The following GSG1L variants were observed in gnomAD, a reference collection of about 807,000 sequenced individuals.
The protein encoded by GSG1L is GSG1 like, also known as germ cell-specific gene 1-like protein.
In GSG1L, 24 loss-of-function variants were observed where a neutral mutation model predicts 42.1. The observed-to-expected ratio is 0.57, with a 90% CI of 0.41 to 0.80. GSG1L has a LOEUF of 0.80. GSG1L is among the 30% of genes least tolerant of loss of function. The pLI is 0.00. For missense variants in GSG1L, 445 were observed against 472.2 expected, an observed-to-expected ratio of 0.94 and a Z score of 0.53; for synonymous variants, 215 against 203.5, an observed-to-expected ratio of 1.06 and a Z score of -0.48.
At chr16:27,916,585 A>G (rs1486397575) in intron 2 of GSG1L, among the ~76,000 whole-genome samples, 1 of 151,312 alleles carries the variant, frequency 6.6e-6, no homozygotes, top group Non-Finnish European at 1.5e-5. Flanking sequence ...AGCCTCCCAA[A>G]GTGCTGGGAC....
chr16:27,900,505 G>C (rs964227377), intron 2 of GSG1L, among the ~76,000 whole-genome samples: 3 of 152,170 alleles, frequency 2.0e-5, no homozygotes, highest in Admixed American at 2.0e-4. Flanking sequence ...TGCCTGCTTG[G>C]GGGGCCTGGC....
chr16:27,808,277 G>A (rs574382697), intron 5 of GSG1L, among the ~76,000 whole-genome samples: 8 of 152,292 alleles, frequency 5.3e-5, no homozygotes, highest in African/African-American at 1.9e-4. Flanking sequence ...TATAGAGATA[G>A]GGTCTTGTCG....
chr16:27,896,809 C>A (rs1186699187), intron 2 of GSG1L, among the ~76,000 whole-genome samples: 1 of 152,200 alleles, frequency 6.6e-6, no homozygotes, highest in Non-Finnish European at 1.5e-5. Flanking sequence ...GAGACAAGTT[C>A]TCCCCTTGAA....
intron 1 of GSG1L, among the ~76,000 whole-genome samples, chr16:28,008,057 C>A (rs570065308): frequency 6.6e-6 from 1 of 152,030 alleles, no homozygotes; most frequent in African/African-American, 2.4e-5. Flanking sequence ...TAGGTAAGTT[C>A]CCCCAAATAA....
chr16:27,873,975 C>A (rs1012034302), intron 3 of GSG1L, among the ~76,000 whole-genome samples: 1 of 152,192 alleles, frequency 6.6e-6, no homozygotes, highest in Non-Finnish European at 1.5e-5. Context: ...ACTTCCCAGG[C>A]CTCTCCCTTA....
chr16:27,966,328 A>AC (rs2085133180), intron 1 of GSG1L, among the ~76,000 whole-genome samples: 3 of 152,068 alleles, frequency 2.0e-5, no homozygotes, highest in African/African-American at 7.2e-5. Context: ...AGAAAGCGAG[A>AC]CCCCATTTCT....
chr16:27,995,883 A>AACACACACACAC (rs3033625), intron 1 of GSG1L, among the ~76,000 whole-genome samples: 1 of 145,226 alleles, frequency 6.9e-6, no homozygotes, highest in African/African-American at 2.6e-5. Flanking sequence ...TACTGATTAA[A>AACACACACACAC]ACACACACAC....
At chr16:27,929,888 C>T (rs1156984064) in intron 2 of GSG1L, among the ~76,000 whole-genome samples, 4 of 152,072 alleles carry the variant, frequency 2.6e-5, no homozygotes, top group Admixed American at 2.0e-4. Context: ...TCCTTCCTTA[C>T]CATTACCTTC....
intron 2 of GSG1L, among the ~76,000 whole-genome samples, chr16:27,961,831 G>T (rs774692964): frequency 3.3e-5 from 5 of 152,318 alleles, no homozygotes; most frequent in Admixed American, 6.5e-5. Flanking sequence ...AGGCTGCTGG[G>T]GGGTAGGGAG....
At chr16:27,848,867 G>A (rs1441958455) in intron 3 of GSG1L, among the ~76,000 whole-genome samples, 5 of 152,046 alleles carry the variant, frequency 3.3e-5, no homozygotes, top group Non-Finnish European at 5.9e-5. Flanking sequence ...GGCTGGGGCT[G>A]AAGGCTGGGA....
At chr16:28,000,010 T>C (rs572638887) in intron 1 of GSG1L, among the ~76,000 whole-genome samples, 3 of 152,318 alleles carry the variant, frequency 2.0e-5, no homozygotes, top group Admixed American at 2.0e-4. Context: ...ATCATCATCT[T>C]CCTCATCATA....
chr16:27,824,035 A>G, intron 5 of GSG1L: 2 of 665,296 alleles, frequency 3.0e-6, no homozygotes, highest in Non-Finnish European at 5.5e-6. Flanking sequence ...TAACGAGATT[A>G]TCAGCCATGC....
intron 2 of GSG1L, among the ~76,000 whole-genome samples, chr16:27,900,204 G>A (rs2084240081): frequency 6.6e-6 from 1 of 152,228 alleles, no homozygotes; most frequent in East Asian, 1.9e-4. Context: ...CCTGCGGGGT[G>A]AGACACACAC....
At chr16:27,812,542 G>T (rs112887343) in intron 5 of GSG1L, among the ~76,000 whole-genome samples, 3 of 152,206 alleles carry the variant, frequency 2.0e-5, no homozygotes, top group Non-Finnish European at 1.5e-5. Context: ...CGTGGATAGC[G>T]TGTTAATGCC....
intron 2 of GSG1L, among the ~76,000 whole-genome samples, chr16:27,960,300 G>A (rs1325038031): frequency 3.3e-5 from 5 of 152,140 alleles, no homozygotes; most frequent in Admixed American, 2.6e-4. Flanking sequence ...CAGCCGTGTG[G>A]TTGCTCTGTA....
intron 1 of GSG1L, among the ~76,000 whole-genome samples, chr16:27,980,879 TCAAAAAC>T (rs1371071292): frequency 7.5e-5 from 8 of 106,054 alleles, no homozygotes; most frequent in Non-Finnish European, 1.3e-4. Context: ...AGATGTCGTC[TCAAAAAC>T]CAAAAACCAA....
At chr16:27,850,316 C>T (rs1262503555) in intron 3 of GSG1L, among the ~76,000 whole-genome samples, 1 of 151,914 alleles carries the variant, frequency 6.6e-6, no homozygotes, top group Non-Finnish European at 1.5e-5. Flanking sequence ...CGTGAGCCAC[C>T]GTGCCGGCCT....
chr16:28,048,606 A>G (rs1278061955), intron 1 of GSG1L, among the ~76,000 whole-genome samples: 2 of 152,202 alleles, frequency 1.3e-5, no homozygotes, highest in Non-Finnish European at 1.5e-5. Flanking sequence ...TTCTTGGATC[A>G]ATGAAGTAAC....
At chr16:27,946,682 AAG>A (rs1234897494) in intron 2 of GSG1L, among the ~76,000 whole-genome samples, 1 of 149,028 alleles carries the variant, frequency 6.7e-6, no homozygotes, top group Non-Finnish European at 1.5e-5. Flanking sequence ...GAAAGAAAGA[AAG>A]AAAGAAAGAA....
Sources: gnomAD v4.1 joint callset for allele counts (sites outside exome capture counted in the v4.1 genomes callset) on GRCh38, gnomAD v4.1.1 for gene constraint, MANE v1.5 for transcripts, NCBI Gene and HGNC (gene_info 2026-07-23, HGNC 2026-07-21) for gene names.